Variants in MAP4K5 observed in about 807,000 individuals in gnomAD.
MAP4K5 encodes the protein mitogen-activated protein kinase kinase kinase kinase 5, also known as MAPK/ERK kinase kinase kinase 5.
In MAP4K5, 82 loss-of-function variants were observed where a neutral mutation model predicts 135.6. The ratio of observed to expected loss-of-function variants is 0.60; its 90% CI spans 0.51 to 0.73. The LOEUF (loss-of-function observed/expected upper bound fraction) is 0.73, where lower values mean the gene tolerates loss of function less well. Among genes scored for constraint, MAP4K5 ranks in the 30% least tolerant of loss-of-function variants. The pLI is 0.00. For missense variants in MAP4K5, 907 were observed against 1,010.9 expected, an observed-to-expected ratio of 0.90 and a Z score of 1.39; for synonymous variants, 347 against 335.0, an observed-to-expected ratio of 1.04 and a Z score of -0.39.
intron 2 of MAP4K5, among the ~76,000 whole-genome samples, chr14:50,539,324 A>G (rs1246709224): frequency 6.6e-6 from 1 of 152,224 alleles, no homozygotes; most frequent in Admixed American, 6.5e-5. Context: ...TTATTGTGTC[A>G]TTTGGCTCTT....
At chr14:50,467,908 T>C (rs1012732694) in intron 10 of MAP4K5, among the ~76,000 whole-genome samples, 32 of 152,108 alleles carry the variant, frequency 2.1e-4, no homozygotes, top group Admixed American at 3.3e-4. Context: ...ATAGTATATA[T>C]CAATCTGTTG....
intron 2 of MAP4K5, among the ~76,000 whole-genome samples, chr14:50,518,989 T>C (rs1312005094): frequency 6.6e-6 from 1 of 152,112 alleles, no homozygotes; most frequent in Non-Finnish European, 1.5e-5. Flanking sequence ...GAAATTTATT[T>C]AAAGAAATAA....
At chr14:50,517,185 T>A (rs2038051364) in intron 2 of MAP4K5, among the ~76,000 whole-genome samples, 1 of 150,480 alleles carries the variant, frequency 6.6e-6, no homozygotes, top group Non-Finnish European at 1.5e-5. Context: ...AGAGTCTCAC[T>A]CTGTCACCCA....
chr14:50,453,799 T>C (rs2036542380), intron 14 of MAP4K5, among the ~76,000 whole-genome samples: 1 of 152,134 alleles, frequency 6.6e-6, no homozygotes, highest in African/African-American at 2.4e-5. Context: ...CTTTCCAAAA[T>C]CCTGTATTTC....
intron 13 of MAP4K5, among the ~76,000 whole-genome samples, chr14:50,458,178 T>C (rs2036632069): frequency 6.6e-6 from 1 of 152,106 alleles, no homozygotes; most frequent in African/African-American, 2.4e-5. Context: ...CACCACTTAC[T>C]TCACAGAGAA....
At chr14:50,522,848 T>C (rs1429086438) in intron 2 of MAP4K5, among the ~76,000 whole-genome samples, 1 of 152,228 alleles carries the variant, frequency 6.6e-6, no homozygotes, top group Non-Finnish European at 1.5e-5. Context: ...ATCTATTTTT[T>C]ATTACCTTCA....
chr14:50,443,882 T>C, intron 19 of MAP4K5, 57 bp downstream of exon 19: 1 of 1,473,944 alleles, frequency 6.8e-7, no homozygotes, highest in Non-Finnish European at 9.4e-7. Context: ...ACTATGCCCC[T>C]TGCATGATAA....
chr14:50,460,334 T>A (rs1478244487), intron 13 of MAP4K5, among the ~76,000 whole-genome samples: 1 of 152,152 alleles, frequency 6.6e-6, no homozygotes, highest in South Asian at 2.1e-4. Flanking sequence ...CCCAACTGCC[T>A]GGCACGTGGT....
chr14:50,525,656 C>A (rs960725591), intron 2 of MAP4K5, among the ~76,000 whole-genome samples: 1 of 151,902 alleles, frequency 6.6e-6, no homozygotes, highest in African/African-American at 2.4e-5. Flanking sequence ...GGCAACATGG[C>A]GAAACCCCAC....
chr14:50,454,596 C>A (rs1456166829), intron 14 of MAP4K5, among the ~76,000 whole-genome samples: 1 of 151,966 alleles, frequency 6.6e-6, no homozygotes, highest in African/African-American at 2.4e-5. Flanking sequence ...ATAAAGTGAC[C>A]TTCTACTCTA....
chr14:50,449,052 T>C lies in MAP4K5; in HGVS notation c.1016-220A>G, dbSNP rs73286549. The C allele has an allele frequency of 2.9e-3, 1,328 of 460,934 alleles. 19 individuals carry two copies. Among genetic ancestry groups the C allele is most frequent in the African/African-American group, 0.025 (1,221 of 48,594 alleles). The allele number at this position is 460,934 out of a possible 1,614,324, so 28.6% of individuals were successfully genotyped here. On this transcript the variant is annotated intron_variant, in intron 14 of 32. Transcript: ENST00000682126. ...CCTAACATCTCTACTTAATTCTTGT[T>C]TGGAATCAGGAAATTAAACAGTTCT...
At chr14:50,457,487 A>G (rs2036617424) in intron 13 of MAP4K5, among the ~76,000 whole-genome samples, 1 of 152,158 alleles carries the variant, frequency 6.6e-6, no homozygotes, top group Admixed American at 6.6e-5. Flanking sequence ...CTGATGACTC[A>G]CTGTCATTCA....
At chr14:50,426,378 T>G (rs1220696096) in intron 30 of MAP4K5, among the ~76,000 whole-genome samples, 1 of 152,222 alleles carries the variant, frequency 6.6e-6, no homozygotes, top group African/African-American at 2.4e-5. Flanking sequence ...CAGAAGTAGC[T>G]TTAAACAAGC....
intron 30 of MAP4K5, among the ~76,000 whole-genome samples, chr14:50,427,738 A>G (rs12887920): frequency 0.2 from 30,438 of 152,142 alleles, 3,744 homozygotes; most frequent in Middle Eastern, 0.3. Context: ...GAGCATGCAA[A>G]CAATAATAAA....
At chr14:50,549,788 C>T (rs1402659241) in intron 1 of MAP4K5, among the ~76,000 whole-genome samples, 3 of 152,166 alleles carry the variant, frequency 2.0e-5, no homozygotes, top group Non-Finnish European at 2.9e-5. Context: ...CTTTTAAAAA[C>T]CCAATTACAT....
intron 15 of MAP4K5, 75 bp downstream of exon 15, chr14:50,448,699 T>C (rs2036413943): frequency 2.5e-6 from 2 of 793,600 alleles, no homozygotes; most frequent in East Asian, 5.5e-5. Context: ...TGTTTTCTAA[T>C]CAAAGTACAA....
intron 6 of MAP4K5, among the ~76,000 whole-genome samples, chr14:50,478,294 T>C (rs2037152185): frequency 6.6e-6 from 1 of 152,100 alleles, no homozygotes; most frequent in Non-Finnish European, 1.5e-5. Context: ...TCTTTTTACT[T>C]TTTTTCCTGA....
intron 21 of MAP4K5, among the ~76,000 whole-genome samples, chr14:50,442,061 G>C (rs2036241566): frequency 6.6e-6 from 1 of 152,104 alleles, no homozygotes; most frequent in Non-Finnish European, 1.5e-5. Context: ...TAATGACAGA[G>C]TGGGAATCCA....
At chr14:50,444,181 T>G in intron 18 of MAP4K5, 145 bp from the exon 19 acceptor site, 2 of 649,984 alleles carry the variant, frequency 3.1e-6, no homozygotes, top group South Asian at 1.8e-5. Context: ...AAGTTATCTT[T>G]GGTGTCTTTC....
Sources: allele counts gnomAD v4.1 joint callset (sites outside exome capture counted in the v4.1 genomes callset), GRCh38; gene constraint gnomAD v4.1.1; transcripts MANE v1.5; gene names NCBI Gene and HGNC (gene_info 2026-07-23, HGNC 2026-07-21).